The following ALK variants were observed in gnomAD, a reference collection of about 807,000 sequenced individuals.
The protein encoded by ALK is ALK receptor tyrosine kinase.
A neutral mutation model predicts 163.1 loss-of-function variants in ALK; 74 were observed. The observed-to-expected ratio is 0.45, with a 90% CI of 0.38 to 0.55. The LOEUF (loss-of-function observed/expected upper bound fraction) is 0.55. ALK is among the 20% of genes least tolerant of loss of function. The pLI, the probability that ALK is intolerant of heterozygous loss-of-function variation, is 0.00. For synonymous variants in ALK, 960 were observed against 843.2 expected (o/e 1.14, Z -2.40); for missense variants, 2,063 against 2,105.3 (o/e 0.98, Z 0.39).
chr2:29,561,555 C>A (rs558049138), intron 3 of ALK, among the ~76,000 whole-genome samples: 1 of 152,278 alleles, frequency 6.6e-6, no homozygotes, highest in Non-Finnish European at 1.5e-5. Flanking sequence ...GTTCACTGTC[C>A]ATCCAAATGT....
chr2:29,795,325 C>G (rs1664280233), intron 1 of ALK, among the ~76,000 whole-genome samples: 1 of 152,122 alleles, frequency 6.6e-6, no homozygotes, highest in South Asian at 2.1e-4. Flanking sequence ...GCAGTTCTGG[C>G]AAGTGTTGCG....
chr2:29,429,058 T>G (rs900755922), intron 4 of ALK, among the ~76,000 whole-genome samples: 8 of 151,930 alleles, frequency 5.3e-5, no homozygotes, highest in Non-Finnish European at 8.8e-5. Context: ...GAACACCGTA[T>G]CATGACAGAA....
chr2:29,225,828 A>G (rs1386209999), intron 18 of ALK, among the ~76,000 whole-genome samples: 1 of 152,146 alleles, frequency 6.6e-6, no homozygotes, highest in Non-Finnish European at 1.5e-5. Flanking sequence ...TTGAAACATG[A>G]GCTGCACAAC....
intron 3 of ALK, among the ~76,000 whole-genome samples, chr2:29,559,566 C>A (rs1673961580): frequency 6.6e-6 from 1 of 152,182 alleles, no homozygotes; most frequent in Non-Finnish European, 1.5e-5. Context: ...GGGTATATTT[C>A]TGTTAATTTA....
chr2:29,594,678 G>T (rs6547958), intron 3 of ALK, among the ~76,000 whole-genome samples: 1 of 151,636 alleles, frequency 6.6e-6, no homozygotes, highest in South Asian at 2.1e-4. Flanking sequence ...CCATCCACCT[G>T]GGCCTCCGAA....
At chr2:29,709,825 G>T (rs1227457934) in intron 2 of ALK, among the ~76,000 whole-genome samples, 1 of 152,126 alleles carries the variant, frequency 6.6e-6, no homozygotes, top group African/African-American at 2.4e-5. Flanking sequence ...TTCCTATTAG[G>T]TACTGATGGT....
chr2:29,649,715 G>A (rs1676986668), intron 3 of ALK, among the ~76,000 whole-genome samples: 1 of 152,094 alleles, frequency 6.6e-6, no homozygotes, highest in South Asian at 2.1e-4. Context: ...CCTCCTGGTG[G>A]TTGGTATGGT....
chr2:29,670,627 C>T (rs1677654581), intron 3 of ALK, among the ~76,000 whole-genome samples: 1 of 152,010 alleles, frequency 6.6e-6, no homozygotes, highest in African/African-American at 2.4e-5. Flanking sequence ...CCTTCTTGAA[C>T]ACCAATAATT....
At chr2:29,891,844 A>G (rs1667156087) in intron 1 of ALK, among the ~76,000 whole-genome samples, 1 of 152,214 alleles carries the variant, frequency 6.6e-6, no homozygotes, top group Non-Finnish European at 1.5e-5. Flanking sequence ...GGAAGGGCAC[A>G]GTCTTCCTGA....
chr2:29,571,602 C>CTTTTTTTTTTTTTTTT (rs60429543), intron 3 of ALK, among the ~76,000 whole-genome samples: 20 of 68,520 alleles, frequency 2.9e-4, no homozygotes, highest in Non-Finnish European at 3.7e-4. Context: ...TGGCTCATAT[C>CTTTTTTTTTTTTTTTT]TTTTTTTTTT....
At chr2:29,736,040 C>G (rs1679882604) in intron 1 of ALK, among the ~76,000 whole-genome samples, 1 of 152,000 alleles carries the variant, frequency 6.6e-6, no homozygotes, top group African/African-American at 2.4e-5. Context: ...CCAAGCCAGC[C>G]CATGACAGCA....
chr2:29,515,197 T>C (rs553584257), intron 4 of ALK, among the ~76,000 whole-genome samples: 1 of 152,286 alleles, frequency 6.6e-6, no homozygotes, highest in African/African-American at 2.4e-5. Flanking sequence ...AAATGCCACC[T>C]CCTGGGGGAA....
At chr2:29,541,329 G>C (rs1673406936) in intron 3 of ALK, among the ~76,000 whole-genome samples, 1 of 152,214 alleles carries the variant, frequency 6.6e-6, no homozygotes. Context: ...GTTCGAGACA[G>C]AGTCTTGCTC....
chr2:29,815,324 T>G (rs571087694), intron 1 of ALK, among the ~76,000 whole-genome samples: 1 of 152,246 alleles, frequency 6.6e-6, no homozygotes, highest in South Asian at 2.1e-4. Flanking sequence ...CAGTCACTAC[T>G]AACCTTCTTA....
chr2:29,828,005 T>C (rs1665249107), intron 1 of ALK, among the ~76,000 whole-genome samples: 12 of 152,032 alleles, frequency 7.9e-5, no homozygotes, highest in Admixed American at 7.9e-4. Context: ...CCCTCAGAAA[T>C]AATACCACGC....
At chr2:29,783,660 A>G (rs1465396731) in intron 1 of ALK, among the ~76,000 whole-genome samples, 1 of 152,180 alleles carries the variant, frequency 6.6e-6, no homozygotes, top group East Asian at 1.9e-4. Flanking sequence ...GTCCCAGGAG[A>G]GGAGTTGGTT....
intron 8 of ALK, among the ~76,000 whole-genome samples, chr2:29,308,243 T>C (rs1666586602): frequency 1.3e-5 from 2 of 152,180 alleles, no homozygotes; most frequent in South Asian, 4.1e-4. Flanking sequence ...TATATTTATA[T>C]AAACCCTTTC....
rs554110480 is a variant in ALK, at chr2:29,876,499, A to C, written c.667+43494T>G. ...GGTGGTGATGGTGATGGTAGTGGTA[A>C]TGGTGGTAATGGTAATGATGATGGT... is the stretch of plus-strand genomic sequence containing the variant. On this transcript the variant is annotated intron_variant, in intron 1 of 28. Transcript: ENST00000389048. 7.0e-5 allele frequency among the ~76,000 whole-genome samples: 10 copies of C among 143,746 alleles called. No individual in the cohort carries two copies. In the South Asian group the frequency reaches 1.8e-3, roughly 26 times the overall value. The allele number at this position is 143,746 out of a possible 152,430, so 94.3% of individuals were successfully genotyped here.
intron 1 of ALK, among the ~76,000 whole-genome samples, chr2:29,840,096 C>G (rs1181004049): frequency 6.6e-6 from 1 of 152,164 alleles, no homozygotes; most frequent in Non-Finnish European, 1.5e-5. Context: ...TTAACTGCTA[C>G]GTTATACCGC....
Sources: allele counts gnomAD v4.1 joint callset (sites outside exome capture counted in the v4.1 genomes callset), GRCh38; gene constraint gnomAD v4.1.1; transcripts MANE v1.5; gene names NCBI Gene and HGNC (gene_info 2026-07-23, HGNC 2026-07-21).